FANK1: variants seen among roughly 807,000 people sequenced by gnomAD.
FANK1 encodes fibronectin type 3 and ankyrin repeat domains protein 1.
Under a neutral mutation model 45.3 loss-of-function variants are expected in FANK1, and 44 were observed. The observed-to-expected ratio is 0.97, with a 90% CI of 0.76 to 1.25. FANK1 has a LOEUF of 1.25. Ranked by LOEUF, FANK1 falls within the 50% of genes most tolerant of loss-of-function variation. The pLI, the probability that FANK1 is intolerant of heterozygous loss-of-function variation, is 0.00. For missense variants in FANK1, 391 were observed against 424.4 expected, an observed-to-expected ratio of 0.92 and a Z score of 0.69; for synonymous variants, 149 against 152.5, an observed-to-expected ratio of 0.98 and a Z score of 0.17.
chr10:125,911,038 A>C (rs1236770043), intron 1 of FANK1, among the ~76,000 whole-genome samples: 1 of 148,994 alleles, frequency 6.7e-6, no homozygotes, highest in African/African-American at 2.5e-5. Flanking sequence ...CGTCTTTCCA[A>C]AAAAAAAAAA....
chr10:125,898,299 C>T (rs1010282226), intron 1 of FANK1, among the ~76,000 whole-genome samples: 2 of 152,066 alleles, frequency 1.3e-5, no homozygotes, highest in Non-Finnish European at 2.9e-5. Context: ...ATTTATAGTG[C>T]CTGTTATGTT....
intron 6 of FANK1, among the ~76,000 whole-genome samples, chr10:126,003,696 GAC>G (rs1952950278): frequency 6.6e-6 from 1 of 150,996 alleles, no homozygotes; most frequent in Non-Finnish European, 1.5e-5. Flanking sequence ...TATTTTTTGA[GAC>G]AGAGTCTTGC....
intron 1 of FANK1, among the ~76,000 whole-genome samples, chr10:125,950,596 G>A (rs1949143760): frequency 6.6e-6 from 1 of 152,124 alleles, no homozygotes; most frequent in Non-Finnish European, 1.5e-5. Context: ...AGAGACAACA[G>A]GTGCTGGAGA....
intron 7 of FANK1, 152 bp from the exon 8 acceptor site, chr10:126,008,255 G>A (rs2133358144): frequency 2.1e-6 from 2 of 966,504 alleles, no homozygotes; most frequent in Non-Finnish European, 1.4e-6. Context: ...GCACCAAAAT[G>A]TGACTTAAAT....
At position 125,947,151 on chromosome 10, in the gene FANK1, G is replaced by C. The variant is rs1028701668; in HGVS notation, c.14-33010G>C. 3.0e-3 allele frequency among the ~76,000 whole-genome samples: 451 copies of C among 151,880 alleles called. 1 individual carries two copies. Among genetic ancestry groups the C allele is most frequent in the African/African-American group, 0.011 (444 of 41,376 alleles). On this transcript the variant is annotated intron_variant, in intron 1 of 10. Coordinates refer to ENST00000368693, the MANE Select transcript of FANK1 (RefSeq NM_145235.5). ...AAAGGAACAACCGGTACCAGCTGCTGCAAAATCATGCCAAAATGTAAAGAC... is the reference window on the plus strand; with the variant it reads ...AAAGGAACAACCGGTACCAGCTGCTCCAAAATCATGCCAAAATGTAAAGAC...
In FANK1 at chr10:126,009,067, A is replaced by C. The variant is rs1215507695; in HGVS notation, c.863A>C (p.Asn288Thr). ...TTTGTTTTCTAGGTGGCTGTGTTAA[A>C]TAATCATGAAGAGTTAGTTCAGTTA... ...GKTPLMVAVL[N>T]NHEELVQLLL... Residue 288 changes from asparagine (N) to threonine (T), a missense_variant, in exon 9 of 11, where the codon AAT (asparagine) becomes ACT (threonine). Transcript: ENST00000368693. The C allele has an allele frequency of 1.9e-6, 3 of 1,614,180 alleles. No individual in the cohort carries two copies. Among genetic ancestry groups the C allele is most frequent in the Non-Finnish European group, 2.5e-6 (3 of 1,180,038 alleles).
intron 1 of FANK1, among the ~76,000 whole-genome samples, chr10:125,921,619 A>T (rs1946951614): frequency 2.0e-5 from 3 of 152,108 alleles, no homozygotes; most frequent in African/African-American, 4.8e-5. Flanking sequence ...GTGCTGTGCC[A>T]CTTCTGTTTC....
chr10:125,961,770 A>G (rs946048153), intron 1 of FANK1, among the ~76,000 whole-genome samples: 20 of 152,040 alleles, frequency 1.3e-4, no homozygotes, highest in African/African-American at 4.8e-4. Flanking sequence ...ACATAATGAG[A>G]CCCTGTCTTT....
chr10:125,945,470 G>T (rs868183272), intron 1 of FANK1, among the ~76,000 whole-genome samples: 3 of 152,192 alleles, frequency 2.0e-5, no homozygotes. Flanking sequence ...TTCCCTTTCC[G>T]AGTCAAAGAA....
chr10:125,913,443 G>A (rs892023554), intron 1 of FANK1, among the ~76,000 whole-genome samples: 5 of 152,096 alleles, frequency 3.3e-5, no homozygotes, highest in Non-Finnish European at 5.9e-5. Context: ...GAGTCCTGGC[G>A]CTCAGCTTCA....
In FANK1 at chr10:126,008,434, T is replaced by C; in HGVS notation, c.733T>C (p.Trp245Arg). Residue 245 changes from tryptophan to arginine, a missense_variant, in exon 8 of 11, where the codon TGG (tryptophan) becomes CGG (arginine). Coordinates refer to ENST00000368693, the MANE Select transcript of FANK1 (RefSeq NM_145235.5). ...EVDVVDTGSG[W>R]TPLMRVSAVS... ...AGACGTCGTGGACACTGGTTCAGGA[T>C]GGACCCCACTCATGAGAGTCTCTGC... 1 of 1,612,280 alleles carries C rather than the reference T, an allele frequency of 6.2e-7. No individual in the cohort carries two copies. Among genetic ancestry groups the C allele is most frequent in the Non-Finnish European group, 8.5e-7 (1 of 1,179,122 alleles).
intron 1 of FANK1, among the ~76,000 whole-genome samples, chr10:125,936,564 G>C (rs1948112727): frequency 6.6e-6 from 1 of 151,956 alleles, no homozygotes; most frequent in South Asian, 2.1e-4. Flanking sequence ...AGTTTTGCCA[G>C]CTTTTGAACT....
chr10:125,930,025 A>G (rs1947643987), intron 1 of FANK1, among the ~76,000 whole-genome samples: 1 of 152,134 alleles, frequency 6.6e-6, no homozygotes, highest in South Asian at 2.1e-4. Context: ...ATGGCTATCC[A>G]GTTGACTTTG....
intron 1 of FANK1, among the ~76,000 whole-genome samples, chr10:125,948,161 A>G (rs1379575083): frequency 6.8e-6 from 1 of 147,740 alleles, no homozygotes; most frequent in African/African-American, 2.5e-5. Context: ...AAGAGAAAGC[A>G]GGAAAGATCC....
intron 1 of FANK1, among the ~76,000 whole-genome samples, chr10:125,970,283 G>T (rs1309157112): frequency 6.6e-6 from 1 of 151,070 alleles, no homozygotes; most frequent in South Asian, 2.1e-4. Context: ...GCTGCTGGGC[G>T]GGGGCGCCCC....
intron 1 of FANK1, among the ~76,000 whole-genome samples, chr10:125,907,995 CT>C (rs56856062): frequency 0.019 from 2,513 of 133,924 alleles, 55 homozygotes; most frequent in African/African-American, 0.058. Flanking sequence ...TTTTTTCTCC[CT>C]TTTTTTTTTT....
chr10:125,901,460 A>T (rs1217611116), intron 1 of FANK1, among the ~76,000 whole-genome samples: 1 of 152,068 alleles, frequency 6.6e-6, no homozygotes, highest in East Asian at 1.9e-4. Flanking sequence ...TATACATCAA[A>T]TCAGATCATG....
chr10:125,973,423 C>A lies in FANK1; in HGVS notation c.14-6738C>A, dbSNP rs189501077. 7 of 985,100 alleles carry A rather than the reference C, an allele frequency of 7.1e-6. No individual in the cohort carries two copies. In the African/African-American group the frequency reaches 1.2e-4, roughly 17 times the overall value. 61.0% of individuals were successfully genotyped at this position (985,100 alleles called of 1,614,324 possible). On this transcript the variant is annotated intron_variant, in intron 1 of 10. Transcript: ENST00000368693. The stretch of plus-strand genomic sequence containing the variant: ...CAACACTGATGTCGTGATACAAGGA[C>A]GTGAAGATGTGAGTCATTGTGACAT...
At chr10:126,003,887 G>C (rs1406028131) in intron 6 of FANK1, among the ~76,000 whole-genome samples, 1 of 151,842 alleles carries the variant, frequency 6.6e-6, no homozygotes, top group Non-Finnish European at 1.5e-5. Context: ...TGTTGCTCAG[G>C]CTGGTCTTGA....
Sources: gnomAD v4.1 joint callset for allele counts (sites outside exome capture counted in the v4.1 genomes callset) on GRCh38, gnomAD v4.1.1 for gene constraint, MANE v1.5 for transcripts, NCBI Gene and HGNC (gene_info 2026-07-23, HGNC 2026-07-21) for gene names.